The following UGT1A8 variants were observed in gnomAD, a reference collection of about 807,000 sequenced individuals.
UGT1A8 encodes UDP-glucuronosyltransferase 1A8.
A neutral mutation model predicts 45.3 loss-of-function variants in UGT1A8; 39 were observed. The observed-to-expected ratio is 0.86, with a 90% confidence interval of 0.67 to 1.12. UGT1A8 has a LOEUF of 1.12. Ranked by LOEUF, UGT1A8 falls within the 50% of genes most tolerant of loss-of-function variation. UGT1A8 has a pLI of 0.00. For missense variants in UGT1A8, 719 were observed against 664.9 expected (o/e 1.08, Z -0.90); for synonymous variants, 275 against 249.2 (o/e 1.10, Z -0.97).
intron 1 of UGT1A8, chr2:233,671,932 C>T: frequency 6.2e-7 from 1 of 1,603,886 alleles, no homozygotes; most frequent in Non-Finnish European, 8.5e-7. Context: ...CTGCAGTTCT[C>T]TGATGGCTTG....
chr2:233,672,668 A>G, intron 1 of UGT1A8: 2 of 1,613,924 alleles, frequency 1.2e-6, no homozygotes, highest in African/African-American at 1.3e-5. Flanking sequence ...TATGATCTCT[A>G]CAGCCACACA....
At chr2:233,633,834 T>C (rs2073232711) in intron 1 of UGT1A8, among the ~76,000 whole-genome samples, 1 of 152,204 alleles carries the variant, frequency 6.6e-6, no homozygotes, top group Non-Finnish European at 1.5e-5. Context: ...TCTTAGTTTT[T>C]TCTTGTCTTC....
In UGT1A8 at chr2:233,724,982, C is replaced by T. The variant is rs1242883505; in HGVS notation, c.856-42052C>T. 2.1e-4 allele frequency among the ~76,000 whole-genome samples: 28 copies of T among 134,856 alleles called. 1 individual carries two copies. The highest frequency in any genetic ancestry group is 3.3e-4 in the Non-Finnish European group (21 of 62,878). The allele number at this position is 134,856 out of a possible 152,430, so 88.5% of individuals were successfully genotyped here. A position where few individuals can be genotyped will look rare whatever the true frequency, so the allele number is the denominator to read the frequency against. On this transcript the variant is annotated intron_variant, in intron 1 of 4. Coordinates refer to ENST00000373450, the MANE Select transcript of UGT1A8 (RefSeq NM_019076.5). ...GAGGCCGAGGTTGGCGGATCACTCGCGGTTAGGGGCTGGAGACCGGCCCGG... is the reference window on the plus strand; with the variant it reads ...GAGGCCGAGGTTGGCGGATCACTCGTGGTTAGGGGCTGGAGACCGGCCCGG...
intron 1 of UGT1A8, among the ~76,000 whole-genome samples, chr2:233,640,825 A>G (rs556133341): frequency 6.6e-6 from 1 of 152,274 alleles, no homozygotes; most frequent in East Asian, 1.9e-4. Context: ...CTCACATGCC[A>G]AAGATTTGTC....
intron 1 of UGT1A8, among the ~76,000 whole-genome samples, chr2:233,673,105 G>A (rs1221114647): frequency 6.6e-6 from 1 of 152,020 alleles, no homozygotes; most frequent in Non-Finnish European, 1.5e-5. Context: ...CTATATGCCC[G>A]CCCCAGAGGA....
intron 1 of UGT1A8, among the ~76,000 whole-genome samples, chr2:233,696,494 A>G (rs1286890486): frequency 2.0e-5 from 3 of 152,178 alleles, no homozygotes; most frequent in Admixed American, 6.5e-5. Context: ...ACTTTACCGA[A>G]TTTGCTTGTC....
chr2:233,735,501 C>A (rs1331221711), intron 1 of UGT1A8, among the ~76,000 whole-genome samples: 1 of 152,100 alleles, frequency 6.6e-6, no homozygotes, highest in African/African-American at 2.4e-5. Flanking sequence ...CAGCATTTAG[C>A]CCATTTACAT....
chr2:233,772,282 G>A lies in UGT1A8; in HGVS notation c.1316G>A (p.Arg439His), dbSNP rs748166510. The change falls in exon 5 of 5, where the codon CGC becomes CAC. Residue 439 changes from arginine to histidine, a missense_variant. Arg to His is a conservative substitution (Grantham distance 29). Transcript: ENST00000373450. ...TTTAGTTACAAGGAGAACATCATGC[G>A]CCTCTCCAGCCTTCACAAGGACCGC... ...NDKSYKENIM[R>H]LSSLHKDRPV... 13 of 1,614,078 alleles carry A rather than the reference G, an allele frequency of 8.1e-6. No homozygotes were observed. Among genetic ancestry groups the A allele is most frequent in the Middle Eastern group, 1.6e-4 (1 of 6,084 alleles).
chr2:233,678,768 A>G (rs1446898670), intron 1 of UGT1A8, among the ~76,000 whole-genome samples: 1 of 151,606 alleles, frequency 6.6e-6, no homozygotes, highest in Non-Finnish European at 1.5e-5. Flanking sequence ...CAGGTCATCT[A>G]TTGATTCCCT....
At chr2:233,695,195 A>G (rs773449261) in intron 1 of UGT1A8, among the ~76,000 whole-genome samples, 1 of 145,992 alleles carries the variant, frequency 6.8e-6, no homozygotes, top group Non-Finnish European at 1.5e-5. Flanking sequence ...GTGCGATCTC[A>G]GCCCACTGCA....
chr2:233,731,298 T>TA (rs199583438), intron 1 of UGT1A8, among the ~76,000 whole-genome samples: 1 of 149,198 alleles, frequency 6.7e-6, no homozygotes, highest in Non-Finnish European at 1.5e-5. Context: ...TTTTTTTTTT[T>TA]ATTATACTTT....
At chr2:233,746,132 G>A (rs998349575) in intron 1 of UGT1A8, among the ~76,000 whole-genome samples, 1 of 151,792 alleles carries the variant, frequency 6.6e-6, no homozygotes, top group African/African-American at 2.4e-5. Flanking sequence ...CTGTGGACTG[G>A]CACCTGAGTG....
chr2:233,715,507 C>A (rs1195776038), intron 1 of UGT1A8, among the ~76,000 whole-genome samples: 1 of 152,122 alleles, frequency 6.6e-6, no homozygotes, highest in East Asian at 1.9e-4. Flanking sequence ...GTGGGTAGCT[C>A]ACACCTGTAA....
intron 1 of UGT1A8, chr2:233,721,605 A>G: frequency 5.6e-6 from 1 of 177,388 alleles, no homozygotes; most frequent in Non-Finnish European, 1.2e-5. Context: ...AGGTTTAGGA[A>G]CAATTTGTTC....
chr2:233,648,769 G>A (rs1277981633), intron 1 of UGT1A8: 15 of 768,934 alleles, frequency 2.0e-5, no homozygotes, highest in Admixed American at 4.1e-5. Context: ...CAGCCTGGAT[G>A]CCATGACTTT....
chr2:233,768,305 G>C lies in UGT1A8; in HGVS notation c.1161G>C (p.Met387Ile). The change falls in exon 4 of 5, where the codon ATG (methionine) becomes ATC (isoleucine). Residue 387 changes from methionine (M) to isoleucine (I), a missense_variant. Coordinates refer to ENST00000373450, the MANE Select transcript of UGT1A8 (RefSeq NM_019076.5). ...ESICNGVPMV[M>I]MPLFGDQMDN... ...TATGCAATGGCGTTCCCATGGTGAT[G>C]ATGCCCTTGTTTGGTGATCAGATGG... 1 of 1,614,202 alleles carries C rather than the reference G, an allele frequency of 6.2e-7. No individual in the cohort carries two copies. The highest frequency in any genetic ancestry group is 8.5e-7 in the Non-Finnish European group (1 of 1,180,040).
intron 1 of UGT1A8, chr2:233,692,179 T>C (rs990678546): frequency 1.3e-5 from 2 of 152,300 alleles, no homozygotes; most frequent in African/African-American, 4.8e-5. Context: ...TCAGAGAGCT[T>C]TCAGGTTGCT....
intron 1 of UGT1A8, among the ~76,000 whole-genome samples, chr2:233,656,449 G>C (rs536748791): frequency 8.5e-4 from 130 of 152,320 alleles, no homozygotes; most frequent in African/African-American, 2.9e-3. Context: ...TCCGGTGGAG[G>C]TGCACTTGTT....
At chr2:233,740,213 C>T (rs984335401) in intron 1 of UGT1A8, among the ~76,000 whole-genome samples, 14 of 151,922 alleles carry the variant, frequency 9.2e-5, no homozygotes, top group Middle Eastern at 3.4e-3. Flanking sequence ...TACCCAGTCT[C>T]AGCTGCGTCT....
Sources: allele counts gnomAD v4.1 joint callset (sites outside exome capture counted in the v4.1 genomes callset), GRCh38; gene constraint gnomAD v4.1.1; transcripts MANE v1.5; gene names NCBI Gene and HGNC (gene_info 2026-07-23, HGNC 2026-07-21).